The following FSTL4 variants were observed in gnomAD, a reference collection of about 807,000 sequenced individuals.
FSTL4 encodes the protein follistatin like 4, also known as follistatin-related protein 4.
A neutral mutation model predicts 78.2 loss-of-function variants in FSTL4; 28 were observed. The ratio of observed to expected loss-of-function variants is 0.36; its 90% CI spans 0.27 to 0.49. The LOEUF is 0.49. FSTL4 is among the 20% of genes least tolerant of loss of function. The pLI is 0.98. For synonymous variants in FSTL4, 422 were observed against 440.5 expected (o/e 0.96, Z 0.53); for missense variants, 922 against 1,084.9 (o/e 0.85, Z 2.11).
chr5:133,676,113 C>T, the FSTL4 span, among the ~76,000 whole-genome samples: 6 of 152,178 alleles, frequency 3.9e-5, no homozygotes, highest in African/African-American at 1.4e-4. Flanking sequence ...TAAGAGGCGT[C>T]GTTAGAGACC....
At chr5:133,335,877 C>T (rs987404123) in intron 4 of FSTL4, among the ~76,000 whole-genome samples, 9 of 152,082 alleles carry the variant, frequency 5.9e-5, no homozygotes, top group African/African-American at 2.2e-4. Flanking sequence ...ATGAGGGGTG[C>T]TTCTTAATTA....
At chr5:133,575,118 G>A (rs1561474606) in intron 2 of FSTL4, 1 of 152,162 alleles carries the variant, frequency 6.6e-6, no homozygotes, top group Non-Finnish European at 1.5e-5. Flanking sequence ...TCAGAAGTTT[G>A]TTAAATAGAG....
the FSTL4 span, among the ~76,000 whole-genome samples, chr5:133,712,781 A>C: frequency 3.4e-4 from 52 of 152,344 alleles, no homozygotes; most frequent in African/African-American, 1.2e-3. Context: ...AGGATTCCCA[A>C]GGGGGCCACT....
the FSTL4 span, among the ~76,000 whole-genome samples, chr5:133,782,488 C>T: frequency 1.3e-5 from 2 of 152,240 alleles, no homozygotes; most frequent in Non-Finnish European, 2.9e-5. Flanking sequence ...GTCACAGATG[C>T]CCACCTCACT....
chr5:133,260,480 C>T (rs946397671), intron 6 of FSTL4, among the ~76,000 whole-genome samples: 15 of 152,224 alleles, frequency 9.9e-5, no homozygotes, highest in Non-Finnish European at 2.2e-4. Flanking sequence ...CTGATGAACT[C>T]CTGATGAGGG....
chr5:133,633,877 C>T, the FSTL4 span, among the ~76,000 whole-genome samples: 1 of 152,070 alleles, frequency 6.6e-6, no homozygotes, highest in East Asian at 1.9e-4. Flanking sequence ...GAGGCTCCTT[C>T]TTGGTGGTTG....
the FSTL4 span, among the ~76,000 whole-genome samples, chr5:133,741,137 A>G: frequency 6.6e-6 from 1 of 152,238 alleles, no homozygotes; most frequent in Non-Finnish European, 1.5e-5. Flanking sequence ...AACAACTGCT[A>G]ATAGGTTTCC....
chr5:133,619,485 G>A, the FSTL4 span, among the ~76,000 whole-genome samples: 1 of 152,106 alleles, frequency 6.6e-6, no homozygotes, highest in East Asian at 1.9e-4. Flanking sequence ...ATGGCTTCAG[G>A]CACACAGCAT....
chr5:133,657,758 T>A, the FSTL4 span, among the ~76,000 whole-genome samples: 1 of 135,316 alleles, frequency 7.4e-6, no homozygotes, highest in East Asian at 2.2e-4. Flanking sequence ...TCTAGCTTAC[T>A]GTTTTTTGTT....
chr5:133,730,577 C>T, the FSTL4 span, among the ~76,000 whole-genome samples: 1 of 152,314 alleles, frequency 6.6e-6, no homozygotes, highest in East Asian at 1.9e-4. Context: ...GCTGGCCATA[C>T]CTGGACAACG....
At chr5:133,661,120 A>T in the FSTL4 span, among the ~76,000 whole-genome samples, 2 of 152,106 alleles carry the variant, frequency 1.3e-5, no homozygotes, top group Non-Finnish European at 2.9e-5. Flanking sequence ...CCTCCCAAGT[A>T]GCTGGGATTA....
the FSTL4 span, among the ~76,000 whole-genome samples, chr5:133,819,241 C>T: frequency 2.6e-5 from 4 of 151,894 alleles, no homozygotes; most frequent in Non-Finnish European, 5.9e-5. Flanking sequence ...ACAGGCATGC[C>T]CTCTGTCTCT....
At chr5:133,348,626 G>A (rs530373147) in intron 4 of FSTL4, among the ~76,000 whole-genome samples, 4 of 152,300 alleles carry the variant, frequency 2.6e-5, no homozygotes, top group East Asian at 3.9e-4. Context: ...GTGACTGGGC[G>A]GGAGTGGGCC....
intron 4 of FSTL4, among the ~76,000 whole-genome samples, chr5:133,352,203 C>A (rs10085103): frequency 0.66 from 98,638 of 149,740 alleles, 33,454 homozygotes; most frequent in African/African-American, 0.82. Flanking sequence ...TGCCACCCCT[C>A]CCCATTAGTC....
At chr5:133,532,434 G>A (rs780651717) in intron 3 of FSTL4, among the ~76,000 whole-genome samples, 12 of 152,200 alleles carry the variant, frequency 7.9e-5, no homozygotes, top group Non-Finnish European at 1.6e-4. Context: ...ATTGGGAATA[G>A]AAACAGCTTC....
intron 4 of FSTL4, among the ~76,000 whole-genome samples, chr5:133,390,890 G>C (rs941379656): frequency 4.4e-4 from 67 of 152,158 alleles, no homozygotes; most frequent in African/African-American, 1.5e-3. Flanking sequence ...GAGGCTGAGT[G>C]ATCATGCGAG....
intron 3 of FSTL4, among the ~76,000 whole-genome samples, chr5:133,565,493 A>G (rs201868943): frequency 1.3e-5 from 2 of 152,246 alleles, no homozygotes; most frequent in East Asian, 3.8e-4. Flanking sequence ...GAAAGACATC[A>G]GTGCACAATA....
At chr5:133,355,486 T>C (rs1754921065) in intron 4 of FSTL4, among the ~76,000 whole-genome samples, 1 of 152,040 alleles carries the variant, frequency 6.6e-6, no homozygotes, top group Non-Finnish European at 1.5e-5. Flanking sequence ...TGAAACCCCA[T>C]CTCTACTAAA....
intron 4 of FSTL4, among the ~76,000 whole-genome samples, chr5:133,374,296 A>G (rs1276756840): frequency 6.6e-6 from 1 of 152,180 alleles, no homozygotes; most frequent in African/African-American, 2.4e-5. Context: ...CCCTTTCTGG[A>G]CAAGGGTCCA....
Sources: gnomAD v4.1 joint callset for allele counts (sites outside exome capture counted in the v4.1 genomes callset) on GRCh38, gnomAD v4.1.1 for gene constraint, MANE v1.5 for transcripts, NCBI Gene and HGNC (gene_info 2026-07-23, HGNC 2026-07-21) for gene names.